PNLIP: variants seen among roughly 807,000 people sequenced by gnomAD.
PNLIP encodes pancreatic triacylglycerol lipase.
A neutral mutation model predicts 57.1 loss-of-function variants in PNLIP; 49 were observed. The ratio of observed to expected loss-of-function variants is 0.86; its 90% confidence interval spans 0.68 to 1.09. The LOEUF (loss-of-function observed/expected upper bound fraction) is 1.09, where lower values mean the gene tolerates loss of function less well. PNLIP is among the 50% of genes least tolerant of loss of function. PNLIP has a pLI of 0.00. For missense variants in PNLIP, 503 were observed against 570.2 expected (o/e 0.88, Z 1.20); for synonymous variants, 209 against 200.4 (o/e 1.04, Z -0.36).
intron 5 of PNLIP, among the ~76,000 whole-genome samples, chr10:116,552,681 T>C (rs902411659): frequency 6.6e-6 from 1 of 152,178 alleles, no homozygotes; most frequent in South Asian, 2.1e-4. Context: ...GGTCAGGAGA[T>C]GGAGACCATC....
At chr10:116,551,766 C>A (rs1237772167) in intron 5 of PNLIP, among the ~76,000 whole-genome samples, 1 of 152,138 alleles carries the variant, frequency 6.6e-6, no homozygotes, top group African/African-American at 2.4e-5. Context: ...CAAAATACAG[C>A]CCTACTTCCA....
At chr10:116,553,944 TAAAAAAA>T (rs1321029698) in intron 6 of PNLIP, 106 bp downstream of exon 6, 1 of 362,232 alleles carries the variant, frequency 2.8e-6, no homozygotes, top group African/African-American at 2.4e-5. Flanking sequence ...CCTATCTCCT[TAAAAAAA>T]AAAAAAAGAA....
At chr10:116,553,450 A>G (rs1182975573) in intron 5 of PNLIP, among the ~76,000 whole-genome samples, 1 of 152,094 alleles carries the variant, frequency 6.6e-6, no homozygotes, top group Non-Finnish European at 1.5e-5. Flanking sequence ...TTAGGTTTAG[A>G]TATATTTGGA....
intron 12 of PNLIP, among the ~76,000 whole-genome samples, chr10:116,562,604 T>C (rs1159409950): frequency 6.6e-6 from 1 of 151,696 alleles, no homozygotes; most frequent in African/African-American, 2.4e-5. Context: ...GAGGAGAGAG[T>C]TGCTGAGGGA....
chr10:116,546,042 C>A, intron 1 of PNLIP, 51 bp from the exon 2 acceptor site: 1 of 1,548,456 alleles, frequency 6.5e-7, no homozygotes, highest in South Asian at 1.1e-5. Context: ...TAAAACTTGC[C>A]GATCTTTTAA....
intron 12 of PNLIP, among the ~76,000 whole-genome samples, chr10:116,566,997 T>A (rs1847374133): frequency 6.6e-6 from 1 of 150,730 alleles, no homozygotes; most frequent in African/African-American, 2.4e-5. Flanking sequence ...CCTCCCTTCC[T>A]TTCTTCCTTC....
At chr10:116,551,259 C>G in intron 5 of PNLIP, 27 bp downstream of exon 5, 1 of 1,505,148 alleles carries the variant, frequency 6.6e-7, no homozygotes, top group Non-Finnish European at 8.9e-7. Context: ...TGCATAAAAG[C>G]CTGTACACAT....
chr10:116,559,284 G>GT lies in PNLIP; in HGVS notation c.1060+2dup, dbSNP rs1564726884. On this transcript the variant is annotated splice_donor_variant, in intron 10 of 12. Transcript: ENST00000369221. LOFTEE classifies it high-confidence loss of function. ...ACTGGTGATGCCAGTAATTTTGCAC[G>GT]TAAGTTTCTGTTTTCTGTATCTTAT... 4 of 1,605,802 alleles carry GT rather than the reference G, an allele frequency of 2.5e-6. No homozygotes were observed. The South Asian group carries it at 4.4e-5, about 18-fold the overall frequency.
intron 3 of PNLIP, 49 bp downstream of exon 3, chr10:116,547,497 C>T (rs368275113): frequency 2.4e-5 from 37 of 1,526,756 alleles, no homozygotes; most frequent in Admixed American, 1.5e-4. Context: ...GAGGCCGAGG[C>T]GGGCGGTTCA....
Position 116,556,046 on chromosome 10 carries a change from T to C in PNLIP, c.858T>C (p.Tyr286=), listed in dbSNP as rs1222935301. The change falls in exon 9 of 13, where the codon TAT becomes TAC. Residue 286 remains tyrosine, a synonymous_variant. Transcript: ENST00000369221. Reference sequence around the variant, plus strand: ...GTAATCACTTAAGAAGCTACAAATATTACACTGATAGCATCGTCAACCCTG... The same window carrying C: ...GTAATCACTTAAGAAGCTACAAATACTACACTGATAGCATCGTCAACCCTG... ...AACNHLRSYK[Y]YTDSIVNPDG... is the part of the protein sequence containing the mutation. The C allele has an allele frequency of 3.7e-6, 6 of 1,613,872 alleles. No homozygotes were observed. The highest frequency in any genetic ancestry group is 4.2e-6 in the Non-Finnish European group (5 of 1,179,906).
intron 4 of PNLIP, among the ~76,000 whole-genome samples, chr10:116,549,619 T>C (rs1349287999): frequency 6.6e-6 from 1 of 152,174 alleles, no homozygotes; most frequent in Non-Finnish European, 1.5e-5. Flanking sequence ...CTGTAGAATC[T>C]GTACACTCCG....
chr10:116,554,546 A>G (rs750742363), intron 6 of PNLIP, among the ~76,000 whole-genome samples: 5 of 152,216 alleles, frequency 3.3e-5, no homozygotes, highest in Non-Finnish European at 7.3e-5. Context: ...GTAAGGTTAT[A>G]AGAAAGATGC....
chr10:116,559,369 T>G (rs1589558237), intron 10 of PNLIP, 86 bp downstream of exon 10: 2 of 1,060,840 alleles, frequency 1.9e-6, no homozygotes, highest in Admixed American at 4.6e-5. Context: ...CTTGCTTTTC[T>G]ATACAAAAGC....
intron 12 of PNLIP, among the ~76,000 whole-genome samples, chr10:116,563,787 G>A (rs1847338022): frequency 1.3e-5 from 2 of 152,014 alleles, no homozygotes; most frequent in South Asian, 4.1e-4. Context: ...TGCACAGAAT[G>A]TAATTAACAG....
At chr10:116,560,549 GCTTT>G in intron 11 of PNLIP, 25 bp downstream of exon 11, 1 of 766,194 alleles carries the variant, frequency 1.3e-6, no homozygotes, top group Non-Finnish European at 2.0e-6. Flanking sequence ...ATTGCTCTAT[GCTTT>G]TTTTTTTTTT....
rs200741909 is a variant in PNLIP at position 116,552,886 on chromosome 10, A to AAAAAT, written c.460-821_460-817dup. 7.6e-3 allele frequency among the ~76,000 whole-genome samples: 1,151 copies of AAAAAT among 152,266 alleles called. 51 individuals carry two copies. The highest frequency in any genetic ancestry group is 0.07 in the Admixed American group (1,069 of 15,260). ...GGGCAACAGAGTGAGACTCCATCTC[A>AAAAAT]AAAATAAAATAAAATAAAATAAAAA... is the stretch of plus-strand genomic sequence containing the variant. On this transcript the variant is annotated intron_variant, in intron 5 of 12. Coordinates refer to ENST00000369221, the MANE Select transcript of PNLIP (RefSeq NM_000936.4).
rs1192685814 is a variant in PNLIP at position 116,560,469 on chromosome 10, A to T, written c.1114A>T (p.Ile372Leu). The change falls in exon 11 of 13, where the codon ATA becomes TTA. Residue 372 changes from isoleucine to leucine, a missense_variant. Ile to Leu is a conservative substitution (Grantham distance 5, BLOSUM62 2). Coordinates refer to ENST00000369221, the MANE Select transcript of PNLIP (RefSeq NM_000936.4). ...TLSGKKVTGH[I>L]LVSLFGNKGN... ...GTCTGGAAAAAAGGTTACAGGACAC[A>T]TACTAGTTTCTTTGTTCGGAAATAA... The T allele has an allele frequency of 6.2e-7, 1 of 1,609,568 alleles. No homozygotes were observed. Among genetic ancestry groups the T allele is most frequent in the Non-Finnish European group, 8.5e-7 (1 of 1,177,122 alleles).
At chr10:116,552,313 A>G (rs1847202346) in intron 5 of PNLIP, among the ~76,000 whole-genome samples, 1 of 152,218 alleles carries the variant, frequency 6.6e-6, no homozygotes, top group South Asian at 2.1e-4. Flanking sequence ...ACATGTTATC[A>G]TAGGAGATGA....
Position 116,547,523 on chromosome 10 carries a change from G to A in PNLIP, c.201+75G>A, listed in dbSNP as rs1016672902. 5.8e-5 allele frequency: 70 copies of A among 1,205,558 alleles called. No individual in the cohort carries two copies. In the South Asian group the frequency reaches 7.5e-4, roughly 13 times the overall value. 74.7% of individuals were successfully genotyped at this position (1,205,558 alleles called of 1,614,324 possible). On this transcript the variant is annotated intron_variant, in intron 3 of 12. Transcript: ENST00000369221. ...GGGCGGTTCACGAGGTCAGGAGATC[G>A]AGACCATGCTGGCTAACATGGTGAA...
Sources: gnomAD v4.1 joint callset for allele counts (sites outside exome capture counted in the v4.1 genomes callset) on GRCh38, gnomAD v4.1.1 for gene constraint, MANE v1.5 for transcripts, NCBI Gene and HGNC (gene_info 2026-07-23, HGNC 2026-07-21) for gene names.